DOCK2: variants seen among roughly 807,000 people sequenced by gnomAD.
DOCK2 encodes dedicator of cytokinesis 2.
DOCK2 carries 87 observed loss-of-function variants against 248.9 expected under a neutral mutation model. The ratio of observed to expected loss-of-function variants is 0.35; its 90% CI spans 0.29 to 0.42. DOCK2 has a LOEUF of 0.42. Among genes scored for constraint, DOCK2 ranks in the 10% least tolerant of loss-of-function variants. DOCK2 has a pLI of 1.00. For synonymous variants in DOCK2, 805 were observed against 821.6 expected, an observed-to-expected ratio of 0.98 and a Z score of 0.35; for missense variants, 1,747 against 2,300.2, an observed-to-expected ratio of 0.76 and a Z score of 4.92.
intron 44 of DOCK2, among the ~76,000 whole-genome samples, chr5:170,062,080 T>C (rs2113862911): frequency 6.6e-6 from 1 of 151,480 alleles, no homozygotes; most frequent in Non-Finnish European, 1.5e-5. Flanking sequence ...TATATGTGTA[T>C]CTATGTGTGT....
intron 22 of DOCK2, among the ~76,000 whole-genome samples, chr5:169,734,972 C>A (rs543308207): frequency 6.6e-6 from 1 of 152,158 alleles, no homozygotes; most frequent in Non-Finnish European, 1.5e-5. Flanking sequence ...TGTTTGTCCT[C>A]GGTGTATTCC....
chr5:169,801,826 TTC>T (rs1238486252), intron 25 of DOCK2, among the ~76,000 whole-genome samples: 3 of 151,846 alleles, frequency 2.0e-5, no homozygotes, highest in African/African-American at 7.3e-5. Flanking sequence ...TTTTTTTTTT[TTC>T]CTGTAATCAC....
chr5:169,994,406 C>G (rs931609946), intron 29 of DOCK2, among the ~76,000 whole-genome samples: 8 of 152,108 alleles, frequency 5.3e-5, no homozygotes, highest in Non-Finnish European at 1.2e-4. Context: ...CCTTGGGGTA[C>G]ACATGGGTGC....
At chr5:169,989,067 A>G (rs1198880944) in intron 29 of DOCK2, among the ~76,000 whole-genome samples, 1 of 152,034 alleles carries the variant, frequency 6.6e-6, no homozygotes, top group Non-Finnish European at 1.5e-5. Flanking sequence ...TAATTTTTCT[A>G]TTATCACTTA....
At chr5:169,795,622 G>A (rs1013412121) in intron 25 of DOCK2, among the ~76,000 whole-genome samples, 13 of 152,196 alleles carry the variant, frequency 8.5e-5, no homozygotes, top group Admixed American at 6.5e-4. Context: ...AGTTTTCTTC[G>A]TGATATGCTG....
rs185643646 is a variant in DOCK2 at position 169,943,096 on chromosome 5, A to G, written c.2800-39972A>G. ...CTTTGGAACGCTCTGCAGCTTCTCT[A>G]TTCCATTCAATGGAAATATCATTGA... On this transcript the variant is annotated intron_variant, in intron 27 of 51. Coordinates refer to ENST00000520908, the MANE Select transcript of DOCK2 (RefSeq NM_004946.3). Among the ~76,000 whole-genome samples the G allele has an allele frequency of 3.5e-4, 53 of 152,332 alleles. No homozygotes were observed. The East Asian group carries it at 9.6e-3, about 28-fold the overall frequency.
At chr5:169,791,494 A>G (rs542042873) in intron 25 of DOCK2, among the ~76,000 whole-genome samples, 37 of 152,366 alleles carry the variant, frequency 2.4e-4, no homozygotes, top group Non-Finnish European at 4.0e-4. Flanking sequence ...ACATCAATCA[A>G]TCATTAAACA....
rs543196736 is a variant in DOCK2, at chr5:169,912,928, G to T, written c.2800-70140G>T. Among the ~76,000 whole-genome samples, 4 of 151,924 alleles carry T rather than the reference G, an allele frequency of 2.6e-5. No individual in the cohort carries two copies. The South Asian group carries it at 8.3e-4, about 32-fold the overall frequency. On this transcript the variant is annotated intron_variant, in intron 27 of 51. Transcript: ENST00000520908. Reference sequence around the variant, plus strand: ...TTCCTTGTCTAGAAGTAACATTTTAGGGTCTGCAGTTTTGAAGAAAGACAA... The same window carrying T: ...TTCCTTGTCTAGAAGTAACATTTTATGGTCTGCAGTTTTGAAGAAAGACAA...
chr5:169,657,693 T>C (rs1190841517), intron 2 of DOCK2, among the ~76,000 whole-genome samples: 2 of 152,242 alleles, frequency 1.3e-5, no homozygotes, highest in African/African-American at 4.8e-5. Flanking sequence ...CTTATATCCA[T>C]GTGCTGCTCA....
chr5:169,902,892 G>A (rs1774009867), intron 27 of DOCK2, among the ~76,000 whole-genome samples: 1 of 152,118 alleles, frequency 6.6e-6, no homozygotes, highest in Non-Finnish European at 1.5e-5. Context: ...AAGGTCAAGA[G>A]ATCGAGACCA....
intron 27 of DOCK2, among the ~76,000 whole-genome samples, chr5:169,934,092 T>C (rs1775880175): frequency 6.6e-6 from 1 of 152,198 alleles, no homozygotes; most frequent in Non-Finnish European, 1.5e-5. Flanking sequence ...GCACACCTCA[T>C]GTCTGTGGGA....
intron 41 of DOCK2, among the ~76,000 whole-genome samples, chr5:170,053,249 A>G (rs1210332810): frequency 6.6e-6 from 1 of 152,222 alleles, no homozygotes; most frequent in Non-Finnish European, 1.5e-5. Flanking sequence ...ATCAGTAAAC[A>G]TGACCTAGAA....
chr5:169,722,077 A>G (rs1156529200), intron 22 of DOCK2, among the ~76,000 whole-genome samples: 14 of 152,332 alleles, frequency 9.2e-5, no homozygotes, highest in Admixed American at 8.5e-4. Flanking sequence ...AATATGTCCA[A>G]TATCCACTAG....
In DOCK2 at chr5:169,761,534, G is replaced by C. The variant is rs1764489733; in HGVS notation, c.2463G>C (p.Glu821Asp). The stretch of plus-strand genomic sequence containing the variant: ...CTGCCCTCAGCCAACTCCTGTATGA[G>C]TTCTACACCTGCATCCCTCCTGTGA... The part of the protein sequence containing the change: ...DAKLLSQLLY[E>D]FYTCIPPVKL... Residue 821 changes from glutamate (E) to aspartate (D), a missense_variant, in exon 25 of 52, where the codon GAG (glutamate) becomes GAC (aspartate). Coordinates refer to ENST00000520908, the MANE Select transcript of DOCK2 (RefSeq NM_004946.3). The C allele has an allele frequency of 3.1e-6, 5 of 1,614,048 alleles. No individual in the cohort carries two copies. In the African/African-American group the frequency reaches 5.3e-5, roughly 17 times the overall value.
chr5:169,973,214 A>G (rs1777591610), intron 27 of DOCK2, among the ~76,000 whole-genome samples: 1 of 152,292 alleles, frequency 6.6e-6, no homozygotes, highest in South Asian at 2.1e-4. Flanking sequence ...CCCTTAAACA[A>G]TAGAGGCTTT....
intron 27 of DOCK2, chr5:169,980,468 C>T (rs185624616): frequency 6.6e-5 from 10 of 152,152 alleles, no homozygotes; most frequent in Admixed American, 3.3e-4. Context: ...ACAAACTGCT[C>T]GGCAGCTACC....
At chr5:169,649,224 A>G (rs760835361) in intron 1 of DOCK2, among the ~76,000 whole-genome samples, 12 of 152,230 alleles carry the variant, frequency 7.9e-5, no homozygotes, top group Non-Finnish European at 1.2e-4. Context: ...TCCAAACTCT[A>G]TTAACACTTG....
chr5:169,881,922 A>G (rs1442227609), intron 27 of DOCK2, among the ~76,000 whole-genome samples: 3 of 152,198 alleles, frequency 2.0e-5, no homozygotes, highest in Non-Finnish European at 4.4e-5. Context: ...AGCATTTCGC[A>G]TCTAAACAAA....
intron 40 of DOCK2, 146 bp from the exon 41 acceptor site, chr5:170,050,106 CCCTT>C (rs1756862819): frequency 9.8e-7 from 1 of 1,022,558 alleles, no homozygotes; most frequent in African/African-American, 1.6e-5. Context: ...GTGAGTTGAG[CCCTT>C]CCTTTCCCTG....
Sources: gnomAD v4.1 joint callset for allele counts (sites outside exome capture counted in the v4.1 genomes callset) on GRCh38, gnomAD v4.1.1 for gene constraint, MANE v1.5 for transcripts, NCBI Gene and HGNC (gene_info 2026-07-23, HGNC 2026-07-21) for gene names.